LARP4B: variants seen among roughly 807,000 people sequenced by gnomAD.
LARP4B encodes the protein la-related protein 4B.
LARP4B carries 12 observed loss-of-function variants against 89.8 expected under a neutral mutation model. That is an observed-to-expected ratio of 0.13 (90% CI 0.09 to 0.22). The LOEUF (loss-of-function observed/expected upper bound fraction) is 0.22. LARP4B is among the 10% of genes least tolerant of loss of function. The probability of loss-of-function intolerance (pLI) is 1.00; values close to 1 mark genes in which losing one functional copy is unlikely to be tolerated. For missense variants in LARP4B, 757 were observed against 947.7 expected (o/e 0.80, Z 2.64); for synonymous variants, 367 against 363.3 (o/e 1.01, Z -0.12).
At chr10:920,694 C>T (rs1379693319) in intron 1 of LARP4B, among the ~76,000 whole-genome samples, 4 of 152,082 alleles carry the variant, frequency 2.6e-5, no homozygotes, top group African/African-American at 9.7e-5. Context: ...ATCACTTGAA[C>T]CCAGGAGGTG....
In LARP4B at chr10:813,035, G is replaced by A. The variant is rs771299369; in HGVS notation, c.2108C>T (p.Pro703Leu). ...YREPPALKST[P>L]GAPRDQRRPA... ...CCGCCTCTGGTCTCTGGGGGCTCCA[G>A]GTGTGGACTTGAGGGCTGGGGGCTC... is the stretch of plus-strand genomic sequence containing the variant. The change falls in exon 18 of 18, where the codon CCT (proline) becomes CTT (leucine). Residue 703 changes from proline to leucine, a missense_variant. Physicochemically the swap from Pro to Leu is moderately conservative, Grantham distance 98. Coordinates refer to ENST00000316157, the MANE Select transcript of LARP4B (RefSeq NM_015155.3). 8 of 1,613,244 alleles carry A rather than the reference G, an allele frequency of 5.0e-6. No individual in the cohort carries two copies. In the Admixed American group the frequency reaches 1.3e-4, roughly 27 times the overall value.
At chr10:928,991 A>C (rs1837226622) in intron 1 of LARP4B, among the ~76,000 whole-genome samples, 1 of 152,238 alleles carries the variant, frequency 6.6e-6, no homozygotes, top group Admixed American at 6.5e-5. Context: ...AATTCAATAA[A>C]TTCTTTAAAT....
rs886545137 is a variant in LARP4B, at chr10:813,688, T to A, written c.1930-475A>T. Among the ~76,000 whole-genome samples the A allele has an allele frequency of 2.0e-5, 3 of 152,156 alleles. 1 individual carries two copies. In the South Asian group the frequency reaches 6.2e-4, roughly 32 times the overall value. On this transcript the variant is annotated intron_variant, in intron 17 of 17. Coordinates refer to ENST00000316157, the MANE Select transcript of LARP4B (RefSeq NM_015155.3). Reference sequence around the variant, plus strand: ...ATTTCAAACTACAAAGGACTGGAAATATCTAAGAATGATGAAGACAGCTAA... The same window carrying A: ...ATTTCAAACTACAAAGGACTGGAAAAATCTAAGAATGATGAAGACAGCTAA...
intron 5 of LARP4B, among the ~76,000 whole-genome samples, chr10:848,571 A>AAG (rs199542838): frequency 7.4e-4 from 113 of 152,204 alleles, no homozygotes; most frequent in African/African-American, 2.5e-3. Context: ...GTTATTAAAA[A>AAG]AAAAAAAGAA....
At chr10:934,297 G>C (rs771680418), upstream of LARP4B, among the ~76,000 whole-genome samples, 5 of 151,896 alleles carry the variant, frequency 3.3e-5, no homozygotes, top group African/African-American at 4.8e-5. Context: ...AAGAGTTCAA[G>C]ACCAGTCTGG....
chr10:917,472 G>A (rs758220317), intron 1 of LARP4B, among the ~76,000 whole-genome samples: 3 of 152,180 alleles, frequency 2.0e-5, no homozygotes, highest in Non-Finnish European at 4.4e-5. Flanking sequence ...CTCTTGACTG[G>A]AATGGCGTAT....
chr10:978,698 T>C, the LARP4B span, among the ~76,000 whole-genome samples: 1 of 152,220 alleles, frequency 6.6e-6, no homozygotes. Context: ...GCTTTATTAA[T>C]TATGTGTTAA....
intron 1 of LARP4B, among the ~76,000 whole-genome samples, chr10:906,554 G>A (rs534152308): frequency 9.3e-5 from 14 of 150,580 alleles, no homozygotes; most frequent in African/African-American, 3.2e-4. Context: ...GCCACGGTAT[G>A]TGTGCAAAGG....
At chr10:980,578 C>T in the LARP4B span, among the ~76,000 whole-genome samples, 2 of 152,220 alleles carry the variant, frequency 1.3e-5, no homozygotes, top group African/African-American at 4.8e-5. Context: ...GTTATGTTCT[C>T]CAAAGTGGCG....
Position 870,169 on chromosome 10 carries a change from G to T in LARP4B, c.142-5899C>A, listed in dbSNP as rs535209562. ...TTTCACCTTCTAGAGCACCTTTTGT[G>T]ACTGTATTAGTCCAGAGATAGCCCA... On this transcript the variant is annotated intron_variant, in intron 3 of 17. Transcript: ENST00000316157. 19 of 305,014 alleles carry T rather than the reference G, an allele frequency of 6.2e-5. No homozygotes were observed. In the South Asian group the frequency reaches 7.8e-4, roughly 13 times the overall value. The allele number at this position is 305,014 out of a possible 1,614,324, so 18.9% of individuals were successfully genotyped here.
chr10:923,258 G>A (rs1017203146), intron 1 of LARP4B, among the ~76,000 whole-genome samples: 1 of 152,180 alleles, frequency 6.6e-6, no homozygotes, highest in Non-Finnish European at 1.5e-5. Flanking sequence ...ATTTTTAGAA[G>A]GTAGCTTCCC....
At chr10:820,982 C>G (rs772276770) in intron 13 of LARP4B, 137 bp from the exon 14 acceptor site, 2 of 740,968 alleles carry the variant, frequency 2.7e-6, no homozygotes, top group Non-Finnish European at 4.3e-6. Context: ...AGATGACTTT[C>G]AATTCTAAAA....
chr10:870,078 T>G (rs1835124380), intron 3 of LARP4B: 1 of 984,260 alleles, frequency 1.0e-6, no homozygotes, highest in African/African-American at 1.7e-5. Flanking sequence ...AGCTGAGGAG[T>G]GTTTTCTGAA....
At chr10:934,845 C>T (rs35028518), upstream of LARP4B, among the ~76,000 whole-genome samples, 19,296 of 152,206 alleles carry the variant, frequency 0.13, 1,613 homozygotes, top group Non-Finnish European at 0.19. Flanking sequence ...GTGGTTTTGC[C>T]GTTGTTACTG....
At chr10:826,490 AG>A (rs1243764181) in intron 11 of LARP4B, among the ~76,000 whole-genome samples, 1 of 152,272 alleles carries the variant, frequency 6.6e-6, no homozygotes, top group African/African-American at 2.4e-5. Flanking sequence ...AAAGATCTTA[AG>A]TAGTTAAAAA....
At position 810,116 on chromosome 10, in the gene LARP4B, C is replaced by T. The variant is rs902463678; in HGVS notation, c.*2810G>A. 1 of 152,152 alleles carries T rather than the reference C, an allele frequency of 6.6e-6. No individual in the cohort carries two copies. The highest frequency in any genetic ancestry group is 1.5e-5 in the Non-Finnish European group (1 of 68,026). 9.4% of individuals were successfully genotyped at this position (152,152 alleles called of 1,614,324 possible). The stretch of plus-strand genomic sequence containing the variant: ...TTACAAGTTAAAATGCCATTTGTCA[C>T]TGCTGCATCTCTGATTCTATAACCT... On this transcript the variant is annotated 3_prime_UTR_variant, in exon 18 of 18. Coordinates refer to ENST00000316157, the MANE Select transcript of LARP4B (RefSeq NM_015155.3).
chr10:842,882 A>G, intron 7 of LARP4B, 50 bp downstream of exon 7: 1 of 1,561,126 alleles, frequency 6.4e-7, no homozygotes, highest in Non-Finnish European at 8.8e-7. Context: ...TGCTGATAAG[A>G]CAAATACTCT....
upstream of LARP4B, among the ~76,000 whole-genome samples, chr10:932,352 C>CT (rs1363621642): frequency 7.3e-6 from 1 of 136,970 alleles, no homozygotes; most frequent in Non-Finnish European, 1.5e-5. Context: ...CCCCGAACTC[C>CT]CACCCCACAC....
At position 886,105 on chromosome 10, in the gene LARP4B, C is replaced by T. The variant is rs187179086; in HGVS notation, c.-39-345G>A. ...TCCAAGATATATAAGGAACTCACAC[C>T]ACTCGATAGCAAAATAAATAAATAA... On this transcript the variant is annotated intron_variant, in intron 1 of 17. Transcript: ENST00000316157. Among the ~76,000 whole-genome samples the T allele has an allele frequency of 1.3e-3, 198 of 152,132 alleles. 1 individual carries two copies. Among genetic ancestry groups the T allele is most frequent in the African/African-American group, 4.6e-3 (191 of 41,504 alleles).
Sources: allele counts gnomAD v4.1 joint callset (sites outside exome capture counted in the v4.1 genomes callset), GRCh38; gene constraint gnomAD v4.1.1; transcripts MANE v1.5; gene names NCBI Gene and HGNC (gene_info 2026-07-23, HGNC 2026-07-21).